LDB2: variants seen among roughly 807,000 people sequenced by gnomAD.
The protein encoded by LDB2 is LIM domain binding 2.
LDB2 carries 12 observed loss-of-function variants against 44.3 expected under a neutral mutation model. The ratio of observed to expected loss-of-function variants is 0.27; its 90% CI spans 0.17 to 0.44. The LOEUF (loss-of-function observed/expected upper bound fraction) is 0.44. Among genes scored for constraint, LDB2 ranks in the 20% least tolerant of loss-of-function variants. The pLI is 1.00. For missense variants in LDB2, 344 were observed against 473.5 expected (o/e 0.73, Z 2.54); for synonymous variants, 164 against 174.8 (o/e 0.94, Z 0.49).
chr4:16,650,792 C>T (rs954058941), intron 2 of LDB2, among the ~76,000 whole-genome samples: 4 of 152,138 alleles, frequency 2.6e-5, no homozygotes, highest in Admixed American at 1.3e-4. Context: ...ACAAAGTAGC[C>T]CCATTCCCTT....
chr4:16,659,723 G>T (rs532986046), intron 2 of LDB2, among the ~76,000 whole-genome samples: 1 of 142,922 alleles, frequency 7.0e-6, no homozygotes, highest in African/African-American at 2.6e-5. Context: ...CAAGGTAATC[G>T]GCCTTCTGAG....
At chr4:16,752,432 C>T (rs759735561) in intron 2 of LDB2, 27 of 453,044 alleles carry the variant, frequency 6.0e-5, no homozygotes, top group Admixed American at 9.5e-5. Flanking sequence ...TTCATTTTTT[C>T]CCCAATTGGT....
chr4:16,502,986 C>T, intron 7 of LDB2, 113 bp from the exon 8 acceptor site: 1 of 1,602,486 alleles, frequency 6.2e-7, no homozygotes, highest in Non-Finnish European at 8.5e-7. Flanking sequence ...GTGTACTGTA[C>T]AACGGGGTCA....
intron 1 of LDB2, among the ~76,000 whole-genome samples, chr4:16,891,560 C>T (rs370023933): frequency 3.3e-5 from 5 of 152,112 alleles, no homozygotes; most frequent in African/African-American, 1.2e-4. Context: ...ATCTGCCCAC[C>T]CCAGCTTCCC....
rs185920980 is a variant in LDB2 at position 16,707,842 on chromosome 4, T to A, written c.235+51316A>T. Among the ~76,000 whole-genome samples, 3 of 152,328 alleles carry A rather than the reference T, an allele frequency of 2.0e-5. No individual in the cohort carries two copies. In the East Asian group the frequency reaches 5.8e-4, roughly 29 times the overall value. On this transcript the variant is annotated intron_variant, in intron 2 of 7. Coordinates refer to ENST00000304523, the MANE Select transcript of LDB2 (RefSeq NM_001290.5). Reference sequence around the variant, plus strand: ...TAGAAAAATACATCGTGAAAAAATGTCATCACGAAAGATGTTGTATCATTA... The same window carrying A: ...TAGAAAAATACATCGTGAAAAAATGACATCACGAAAGATGTTGTATCATTA...
rs147006566 is a variant in LDB2 at position 16,534,746 on chromosome 4, G to A, written c.616-22642C>T. Among the ~76,000 whole-genome samples, 263 of 152,268 alleles carry A rather than the reference G, an allele frequency of 1.7e-3. 1 individual carries two copies. Among genetic ancestry groups the A allele is most frequent in the African/African-American group, 5.9e-3 (244 of 41,556 alleles). Reference sequence around the variant, plus strand: ...GATGCCAAGAAAGAAGAGGATATCCGACTCAGAAGTATTAGGACAGATTCA... The same window carrying A: ...GATGCCAAGAAAGAAGAGGATATCCAACTCAGAAGTATTAGGACAGATTCA... On this transcript the variant is annotated intron_variant, in intron 5 of 7. Coordinates refer to ENST00000304523, the MANE Select transcript of LDB2 (RefSeq NM_001290.5).
At chr4:16,572,218 T>C (rs1053238023) in intron 5 of LDB2, among the ~76,000 whole-genome samples, 1 of 152,204 alleles carries the variant, frequency 6.6e-6, no homozygotes, top group African/African-American at 2.4e-5. Flanking sequence ...ATTTTCCTGA[T>C]ATACTGTTTT....
intron 1 of LDB2, among the ~76,000 whole-genome samples, chr4:16,844,267 A>T (rs1786494267): frequency 6.7e-6 from 1 of 150,124 alleles, no homozygotes; most frequent in African/African-American, 2.4e-5. Context: ...AAAAAAAAAA[A>T]AAAAAAAGGA....
chr4:16,792,158 C>A (rs1474813824), intron 1 of LDB2, among the ~76,000 whole-genome samples: 1 of 152,174 alleles, frequency 6.6e-6, no homozygotes, highest in Non-Finnish European at 1.5e-5. Flanking sequence ...TTAGTGTTAA[C>A]CTAAGTTTTT....
intron 2 of LDB2, among the ~76,000 whole-genome samples, chr4:16,654,330 G>T (rs1739141838): frequency 6.6e-6 from 1 of 152,036 alleles, no homozygotes; most frequent in Non-Finnish European, 1.5e-5. Context: ...TGCAAGCTGT[G>T]CTACCCCATC....
At chr4:16,508,778 A>T (rs1157340207) in intron 6 of LDB2, 92 bp from the exon 7 acceptor site, 87 of 1,254,202 alleles carry the variant, frequency 6.9e-5, no homozygotes, top group Non-Finnish European at 8.7e-5. Context: ...CTGTCTTGGT[A>T]AACTGAAGAG....
At chr4:16,727,076 G>A (rs1759654495) in intron 2 of LDB2, among the ~76,000 whole-genome samples, 2 of 152,212 alleles carry the variant, frequency 1.3e-5, no homozygotes, top group Admixed American at 1.3e-4. Flanking sequence ...AGAAATTGAT[G>A]AAATGCATTT....
At chr4:16,828,992 G>C (rs902136172) in intron 1 of LDB2, among the ~76,000 whole-genome samples, 10 of 152,144 alleles carry the variant, frequency 6.6e-5, no homozygotes, top group African/African-American at 2.2e-4. Context: ...GTGAAGCACG[G>C]GATTGGTAAT....
At chr4:16,645,393 C>T (rs942038083) in intron 2 of LDB2, among the ~76,000 whole-genome samples, 3 of 151,446 alleles carry the variant, frequency 2.0e-5, no homozygotes, top group African/African-American at 4.8e-5. Flanking sequence ...AAAAATTAGC[C>T]GGGCGCGGTG....
At position 16,871,430 on chromosome 4, in the gene LDB2, T is replaced by C. The variant is rs1202638553; in HGVS notation, c.132+26924A>G. 3.3e-5 allele frequency among the ~76,000 whole-genome samples: 5 copies of C among 152,172 alleles called. No homozygotes were observed. The East Asian group carries it at 9.6e-4, about 29-fold the overall frequency. Reference sequence around the variant, plus strand: ...AGTTTGCATGCCTGAAGCTGTAACATAATGAGTGGCAGAAAATTTGAGGAA... The same window carrying C: ...AGTTTGCATGCCTGAAGCTGTAACACAATGAGTGGCAGAAAATTTGAGGAA... On this transcript the variant is annotated intron_variant, in intron 1 of 7. Transcript: ENST00000304523.
chr4:16,741,853 C>A (rs1024082306), intron 2 of LDB2, among the ~76,000 whole-genome samples: 2 of 152,094 alleles, frequency 1.3e-5, no homozygotes, highest in African/African-American at 4.8e-5. Flanking sequence ...ACTCCTTATT[C>A]TGCAAGAATT....
At chr4:16,796,536 C>G (rs114467583) in intron 1 of LDB2, among the ~76,000 whole-genome samples, 2 of 152,110 alleles carry the variant, frequency 1.3e-5, no homozygotes, top group African/African-American at 4.8e-5. Context: ...ACACATTTCC[C>G]ATGCAGAAGA....
At position 16,669,087 on chromosome 4, in the gene LDB2, C is replaced by G. The variant is rs542840285; in HGVS notation, c.236-73212G>C. Among the ~76,000 whole-genome samples the G allele has an allele frequency of 3.8e-4, 58 of 152,254 alleles. 1 individual carries two copies. The highest frequency in any genetic ancestry group is 1.3e-3 in the African/African-American group (52 of 41,544). On this transcript the variant is annotated intron_variant, in intron 2 of 7. Coordinates refer to ENST00000304523, the MANE Select transcript of LDB2 (RefSeq NM_001290.5). The stretch of plus-strand genomic sequence containing the variant: ...GAAAACTAAGAGCAGGGAGCTGTTA[C>G]CAGAAAGTGGAGAATGAATATTGAG...
intron 5 of LDB2, among the ~76,000 whole-genome samples, chr4:16,540,308 G>T (rs1347220150): frequency 6.6e-6 from 1 of 152,132 alleles, no homozygotes; most frequent in Non-Finnish European, 1.5e-5. Flanking sequence ...CCCTGATACT[G>T]CAACCTTGGA....
Sources: gnomAD v4.1 joint callset for allele counts (sites outside exome capture counted in the v4.1 genomes callset) on GRCh38, gnomAD v4.1.1 for gene constraint, MANE v1.5 for transcripts, NCBI Gene and HGNC (gene_info 2026-07-23, HGNC 2026-07-21) for gene names.